KCNB2: variants seen among roughly 807,000 people sequenced by gnomAD.
KCNB2 encodes the protein potassium voltage-gated channel subfamily B member 2.
A neutral mutation model predicts 61.5 loss-of-function variants in KCNB2; 15 were observed. The ratio of observed to expected loss-of-function variants is 0.24; its 90% confidence interval spans 0.16 to 0.38. KCNB2 has a LOEUF of 0.38. Among genes scored for constraint, KCNB2 ranks in the 10% least tolerant of loss-of-function variants. KCNB2 has a pLI of 1.00. For synonymous variants in KCNB2, 457 were observed against 446.0 expected (o/e 1.02, Z -0.31); for missense variants, 828 against 1,125.2 (o/e 0.74, Z 3.78).
In KCNB2 at chr8:72,815,416, G is replaced by T. The variant is rs750583191; in HGVS notation, c.580-120519G>T. Among the ~76,000 whole-genome samples, 99 of 152,066 alleles carry T rather than the reference G, an allele frequency of 6.5e-4. 1 individual carries two copies. In the Middle Eastern group the frequency reaches 0.02, roughly 31 times the overall value. On this transcript the variant is annotated intron_variant, in intron 2 of 2. Coordinates refer to ENST00000523207, the MANE Select transcript of KCNB2 (RefSeq NM_004770.3). The stretch of plus-strand genomic sequence containing the variant: ...AAATTTTTAAATATACATAACATGT[G>T]CTTTCTCCTGTAGTAGCACTTATCA...
At chr8:72,611,770 G>T (rs767729012) in intron 2 of KCNB2, among the ~76,000 whole-genome samples, 2 of 152,228 alleles carry the variant, frequency 1.3e-5, no homozygotes, top group Middle Eastern at 3.4e-3. Flanking sequence ...GAATAAAAAA[G>T]ATCAGGCATT....
At chr8:72,760,243 G>A (rs1563582435) in intron 2 of KCNB2, among the ~76,000 whole-genome samples, 2 of 152,190 alleles carry the variant, frequency 1.3e-5, no homozygotes, top group Non-Finnish European at 2.9e-5. Flanking sequence ...ACCTCTCTGA[G>A]CTTCCATTCT....
intron 2 of KCNB2, among the ~76,000 whole-genome samples, chr8:72,579,629 G>T (rs547294217): frequency 6.6e-6 from 1 of 152,116 alleles, no homozygotes; most frequent in African/African-American, 2.4e-5. Flanking sequence ...CCGCTTTCTC[G>T]TAATAGCGTC....
chr8:72,918,321 A>G (rs2129008008), intron 2 of KCNB2, among the ~76,000 whole-genome samples: 1 of 152,328 alleles, frequency 6.6e-6, no homozygotes, highest in South Asian at 2.1e-4. Context: ...AGCAAACACT[A>G]TTTAAGCAAT....
intron 2 of KCNB2, among the ~76,000 whole-genome samples, chr8:72,920,419 A>G (rs1806487132): frequency 7.2e-6 from 1 of 138,088 alleles, no homozygotes; most frequent in East Asian, 2.0e-4. Flanking sequence ...CCTGGGCAAC[A>G]TGGCAAAACC....
At chr8:72,614,131 T>G (rs1010955053) in intron 2 of KCNB2, among the ~76,000 whole-genome samples, 1 of 152,214 alleles carries the variant, frequency 6.6e-6, no homozygotes, top group Admixed American at 6.6e-5. Flanking sequence ...ATGTACAATC[T>G]GCAGTAGGCA....
chr8:72,866,431 C>A (rs1007882879), intron 2 of KCNB2, among the ~76,000 whole-genome samples: 2 of 152,212 alleles, frequency 1.3e-5, no homozygotes, highest in African/African-American at 4.8e-5. Context: ...TTATTTCGAC[C>A]TCAGCTTCAA....
At chr8:72,599,796 A>G (rs1403956084) in intron 2 of KCNB2, among the ~76,000 whole-genome samples, 1 of 152,248 alleles carries the variant, frequency 6.6e-6, no homozygotes, top group African/African-American at 2.4e-5. Context: ...GGATATGAAC[A>G]GACACTTCTC....
rs1359342304 is a variant in KCNB2, at chr8:72,937,681, C to G, written c.2326C>G (p.Pro776Ala). The G allele has an allele frequency of 6.2e-7, 1 of 1,613,998 alleles. No individual in the cohort carries two copies. The highest frequency in any genetic ancestry group is 8.5e-7 in the Non-Finnish European group (1 of 1,179,986). ...RPLLGTEVSA[P>A]CQGPSKGLSP... ...CTTGCTGGGCACTGAGGTTTCAGCG[C>G]CTTGTCAGGGACCTTCCAAAGGGCT... Residue 776 changes from proline to alanine, a missense_variant, in exon 3 of 3, where the codon CCT (proline) becomes GCT (alanine). Physicochemically the swap from Pro to Ala is conservative, Grantham distance 27. This residue lies in a region of KCNB2 where 559 missense variants were observed against 588.4 expected (regional missense o/e 0.95). Transcript: ENST00000523207.
rs545643462 is a variant in KCNB2 at position 72,603,078 on chromosome 8, A to T, written c.579+34765A>T. Among the ~76,000 whole-genome samples, 3 of 152,264 alleles carry T rather than the reference A, an allele frequency of 2.0e-5. No homozygotes were observed. In the South Asian group the frequency reaches 6.2e-4, roughly 32 times the overall value. ...TGTACCTCTCAAATTTAACCTCAGG[A>T]CATCTCTTGCATAGCCTTCTAACTG... On this transcript the variant is annotated intron_variant, in intron 2 of 2. Transcript: ENST00000523207.
At chr8:72,930,170 G>A (rs1440635587) in intron 2 of KCNB2, among the ~76,000 whole-genome samples, 2 of 151,766 alleles carry the variant, frequency 1.3e-5, no homozygotes, top group African/African-American at 4.8e-5. Context: ...TGGTGTATAT[G>A]TGCCACATTT....
chr8:72,769,898 C>G (rs755648626), intron 2 of KCNB2, among the ~76,000 whole-genome samples: 19 of 152,120 alleles, frequency 1.2e-4, no homozygotes, highest in Non-Finnish European at 1.8e-4. Context: ...GGTTTGGTGT[C>G]AGGTGTTAAT....
intron 2 of KCNB2, among the ~76,000 whole-genome samples, chr8:72,851,840 A>AAAAAACAAAAC (rs752165025): frequency 0.084 from 11,290 of 134,460 alleles, 1,026 homozygotes; most frequent in African/African-American, 0.14. Flanking sequence ...AAAAAAAAAA[A>AAAAAACAAAAC]AAAAAAAACA....
intron 2 of KCNB2, among the ~76,000 whole-genome samples, chr8:72,623,506 AC>A (rs1805742107): frequency 6.6e-6 from 1 of 152,186 alleles, no homozygotes; most frequent in East Asian, 1.9e-4. Flanking sequence ...AGACTTTGGA[AC>A]CCAAACCATC....
At chr8:72,735,225 A>G (rs1807821535) in intron 2 of KCNB2, among the ~76,000 whole-genome samples, 1 of 152,200 alleles carries the variant, frequency 6.6e-6, no homozygotes, top group Admixed American at 6.5e-5. Context: ...CACAAATTGT[A>G]CAAATAAGAA....
intron 2 of KCNB2, among the ~76,000 whole-genome samples, chr8:72,674,158 T>G (rs1806611827): frequency 6.6e-6 from 1 of 152,214 alleles, no homozygotes; most frequent in African/African-American, 2.4e-5. Context: ...CTCTGAACCC[T>G]AAGCGTAACT....
chr8:72,927,749 C>T (rs902050482), intron 2 of KCNB2, among the ~76,000 whole-genome samples: 59 of 152,206 alleles, frequency 3.9e-4, no homozygotes, highest in African/African-American at 1.4e-3. Context: ...AGCCTATACC[C>T]TTATATGCAG....
chr8:72,611,308 T>C (rs1805534903), intron 2 of KCNB2, among the ~76,000 whole-genome samples: 1 of 152,202 alleles, frequency 6.6e-6, no homozygotes, highest in Non-Finnish European at 1.5e-5. Context: ...AAAAAGTCTT[T>C]TGTAATAAAA....
intron 2 of KCNB2, among the ~76,000 whole-genome samples, chr8:72,572,587 T>TCA (rs368495386): frequency 4.0e-5 from 6 of 151,162 alleles, no homozygotes; most frequent in South Asian, 2.1e-4. Context: ...TCTCTCTCTC[T>TCA]CACACAGACA....
Sources: gnomAD v4.1 joint callset for allele counts (sites outside exome capture counted in the v4.1 genomes callset) on GRCh38, gnomAD v4.1.1 for gene constraint, gnomAD v4.1.1 regional missense constraint, MANE v1.5 for transcripts, NCBI Gene and HGNC (gene_info 2026-07-23, HGNC 2026-07-21) for gene names.